The following NKAIN2 variants were observed in gnomAD, a reference collection of about 807,000 sequenced individuals.
NKAIN2 encodes sodium/potassium-transporting ATPase subunit beta-1-interacting protein 2.
A neutral mutation model predicts 32.6 loss-of-function variants in NKAIN2; 14 were observed. The ratio of observed to expected loss-of-function variants is 0.43; its 90% CI spans 0.28 to 0.67. NKAIN2 has a LOEUF of 0.67. NKAIN2 is among the 30% of genes least tolerant of loss of function. The pLI, the probability that NKAIN2 is intolerant of heterozygous loss-of-function variation, is 0.17. For missense variants in NKAIN2, 198 were observed against 258.3 expected (o/e 0.77, Z 1.60); for synonymous variants, 80 against 87.2 (o/e 0.92, Z 0.46).
chr6:124,559,338 C>CTT (rs1780598806), intron 3 of NKAIN2, among the ~76,000 whole-genome samples: 1 of 152,090 alleles, frequency 6.6e-6, no homozygotes, highest in South Asian at 2.1e-4. Flanking sequence ...TGTAGCAGGG[C>CTT]TTTTAGCTGA....
chr6:124,342,966 T>C (rs1167553552), intron 2 of NKAIN2, among the ~76,000 whole-genome samples: 2 of 148,322 alleles, frequency 1.3e-5, no homozygotes, highest in East Asian at 2.0e-4. Flanking sequence ...TATCTCCTAA[T>C]GCTATCCCTT....
At chr6:124,760,383 A>G (rs1778205504) in intron 4 of NKAIN2, among the ~76,000 whole-genome samples, 1 of 123,800 alleles carries the variant, frequency 8.1e-6, no homozygotes, top group Non-Finnish European at 1.6e-5. Flanking sequence ...TTACCTGTAT[A>G]GCAAACCTGC....
At chr6:124,023,307 G>T (rs1259901746) in intron 1 of NKAIN2, among the ~76,000 whole-genome samples, 1 of 151,858 alleles carries the variant, frequency 6.6e-6, no homozygotes, top group African/African-American at 2.4e-5. Context: ...ATGCTATTCT[G>T]ATTCCTTGAT....
intron 3 of NKAIN2, among the ~76,000 whole-genome samples, chr6:124,366,530 A>G (rs1799524949): frequency 6.6e-6 from 1 of 152,160 alleles, no homozygotes; most frequent in Non-Finnish European, 1.5e-5. Flanking sequence ...CTACCAATAT[A>G]CACAAATTCT....
intron 1 of NKAIN2, among the ~76,000 whole-genome samples, chr6:123,868,278 G>A (rs2318064): frequency 0.21 from 32,000 of 152,146 alleles, 4,174 homozygotes; most frequent in East Asian, 0.47. Flanking sequence ...TTGCTCAGGT[G>A]AGAGTAAGAC....
chr6:124,548,484 T>C (rs185981794), intron 3 of NKAIN2, among the ~76,000 whole-genome samples: 227 of 152,286 alleles, frequency 1.5e-3, no homozygotes, highest in African/African-American at 5.3e-3. Context: ...TCCAGTGATA[T>C]AGCCAGAAAA....
chr6:124,112,623 T>G (rs1785435912), intron 1 of NKAIN2, among the ~76,000 whole-genome samples: 1 of 152,208 alleles, frequency 6.6e-6, no homozygotes, highest in Non-Finnish European at 1.5e-5. Flanking sequence ...TTGTGAAGCC[T>G]TCAACAATTA....
chr6:124,774,877 G>C (rs200198751), intron 4 of NKAIN2, among the ~76,000 whole-genome samples: 3 of 134,452 alleles, frequency 2.2e-5, no homozygotes, highest in Middle Eastern at 4.2e-3. Flanking sequence ...AAAAAAAAAA[G>C]ATACTGTCAA....
At chr6:123,907,848 A>G (rs1264316440) in intron 1 of NKAIN2, among the ~76,000 whole-genome samples, 4 of 152,186 alleles carry the variant, frequency 2.6e-5, no homozygotes, top group Non-Finnish European at 5.9e-5. Context: ...CAGTAACAAA[A>G]TACAACACAG....
chr6:124,656,309 A>C (rs1028148556), intron 3 of NKAIN2, among the ~76,000 whole-genome samples: 3 of 152,166 alleles, frequency 2.0e-5, no homozygotes, highest in Non-Finnish European at 4.4e-5. Flanking sequence ...TTAATGTCTG[A>C]CATTATAATA....
At chr6:124,543,887 G>A (rs1779996921) in intron 3 of NKAIN2, among the ~76,000 whole-genome samples, 1 of 152,178 alleles carries the variant, frequency 6.6e-6, no homozygotes, top group Non-Finnish European at 1.5e-5. Flanking sequence ...AGTATAAAAG[G>A]TAGGGACAAG....
chr6:124,327,315 A>T (rs568833729), intron 2 of NKAIN2, among the ~76,000 whole-genome samples: 1 of 151,738 alleles, frequency 6.6e-6, no homozygotes, highest in Non-Finnish European at 1.5e-5. Flanking sequence ...TATATCTTCT[A>T]TTTTTTCTTT....
At chr6:124,490,104 T>C (rs1777802511) in intron 3 of NKAIN2, among the ~76,000 whole-genome samples, 1 of 151,866 alleles carries the variant, frequency 6.6e-6, no homozygotes. Context: ...ACATTTGCTT[T>C]GTTAGTTGAT....
chr6:124,445,619 C>CT (rs1775857234), intron 3 of NKAIN2, among the ~76,000 whole-genome samples: 1 of 151,986 alleles, frequency 6.6e-6, no homozygotes, highest in Non-Finnish European at 1.5e-5. Context: ...TGTAACAACA[C>CT]TTTGTTTGTG....
chr6:124,450,620 A>G (rs1776066627), intron 3 of NKAIN2, among the ~76,000 whole-genome samples: 1 of 151,822 alleles, frequency 6.6e-6, no homozygotes, highest in Admixed American at 6.6e-5. Context: ...GAAAGAAAAG[A>G]TACTTCCATT....
chr6:124,102,647 TC>T (rs1784944633), intron 1 of NKAIN2, among the ~76,000 whole-genome samples: 1 of 152,148 alleles, frequency 6.6e-6, no homozygotes, highest in Non-Finnish European at 1.5e-5. Context: ...ACAGGACAAT[TC>T]CCTGAAGTGT....
At chr6:123,975,342 A>C (rs1205470424) in intron 1 of NKAIN2, among the ~76,000 whole-genome samples, 2 of 152,168 alleles carry the variant, frequency 1.3e-5, no homozygotes, top group Non-Finnish European at 2.9e-5. Flanking sequence ...ATCTATTTTC[A>C]GGTGGATAAG....
chr6:124,317,870 G>A (rs547645147), intron 2 of NKAIN2, among the ~76,000 whole-genome samples: 111 of 152,076 alleles, frequency 7.3e-4, no homozygotes, highest in African/African-American at 2.6e-3. Context: ...CACCAAATAT[G>A]CCTAATTTGT....
chr6:124,312,207 C>A (rs1213527700), intron 2 of NKAIN2, among the ~76,000 whole-genome samples: 1 of 152,156 alleles, frequency 6.6e-6, no homozygotes, highest in African/African-American at 2.4e-5. Context: ...CAACAATCAG[C>A]ATTGAAGACT....
Sources: gnomAD v4.1 joint callset for allele counts (sites outside exome capture counted in the v4.1 genomes callset) on GRCh38, gnomAD v4.1.1 for gene constraint, MANE v1.5 for transcripts, NCBI Gene and HGNC (gene_info 2026-07-23, HGNC 2026-07-21) for gene names.